ZRANB3: variants seen among roughly 807,000 people sequenced by gnomAD.
ZRANB3 encodes DNA annealing helicase and endonuclease ZRANB3.
Under a neutral mutation model 133.8 loss-of-function variants are expected in ZRANB3, and 125 were observed. That is an observed-to-expected ratio of 0.93 (90% CI 0.81 to 1.08). The LOEUF is 1.08. ZRANB3 is among the 50% of genes least tolerant of loss of function. The pLI is 0.00. For synonymous variants in ZRANB3, 387 were observed against 432.7 expected (o/e 0.89, Z 1.31); for missense variants, 1,229 against 1,275.5 (o/e 0.96, Z 0.56).
Position 135,413,649 on chromosome 2 carries a change from G to A in ZRANB3, c.162-22829C>T, listed in dbSNP as rs1160257437. Reference sequence around the variant, plus strand: ...CTAGGGTATTTATAATTATATGCTAGTTAACAAGAGTCTACTTTAAGCTTT... The same window carrying A: ...CTAGGGTATTTATAATTATATGCTAATTAACAAGAGTCTACTTTAAGCTTT... On this transcript the variant is annotated intron_variant, in intron 2 of 20. Transcript: ENST00000264159. 6.6e-5 allele frequency among the ~76,000 whole-genome samples: 10 copies of A among 152,176 alleles called. No individual in the cohort carries two copies. In the South Asian group the frequency reaches 1.2e-3, roughly 19 times the overall value.
In ZRANB3 at chr2:135,286,344, C is replaced by T. The variant is rs185788486; in HGVS notation, c.967-10589G>A. ...CCAGGCTGGAGTGCAGTGGTACAAT[C>T]TCGGCTCACAACAACCTCCACATCC... On this transcript the variant is annotated intron_variant, in intron 8 of 20. Coordinates refer to ENST00000264159, the MANE Select transcript of ZRANB3 (RefSeq NM_032143.4). 2.1e-3 allele frequency among the ~76,000 whole-genome samples: 318 copies of T among 152,328 alleles called. 4 individuals carry two copies. Among genetic ancestry groups the T allele is most frequent in the African/African-American group, 7.4e-3 (309 of 41,562 alleles).
chr2:135,214,300 A>T (rs1253290547), intron 17 of ZRANB3, among the ~76,000 whole-genome samples: 1 of 152,132 alleles, frequency 6.6e-6, no homozygotes. Context: ...TTTTGATCTA[A>T]TCTCCCAACT....
At chr2:135,349,574 AAAG>A (rs1339942713) in intron 5 of ZRANB3, among the ~76,000 whole-genome samples, 3 of 152,202 alleles carry the variant, frequency 2.0e-5, no homozygotes, top group African/African-American at 4.8e-5. Context: ...TCTTAAAGTG[AAAG>A]AAGAACAGAC....
At chr2:135,441,576 T>C (rs1426956836) in intron 2 of ZRANB3, among the ~76,000 whole-genome samples, 5 of 152,050 alleles carry the variant, frequency 3.3e-5, no homozygotes, top group African/African-American at 4.8e-5. Context: ...TCTCTTTATT[T>C]AAAAAAGATT....
At chr2:135,511,725 G>T in intron 1 of ZRANB3, 1 of 765,794 alleles carries the variant, frequency 1.3e-6, no homozygotes, top group Non-Finnish European at 2.4e-6. Context: ...TCTTGGTGTG[G>T]CAGTTGCTGA....
rs112563972 is a variant in ZRANB3 at position 135,280,389 on chromosome 2, G to C, written c.967-4634C>G. On this transcript the variant is annotated intron_variant, in intron 8 of 20. Transcript: ENST00000264159. Reference sequence around the variant, plus strand: ...TCGAGACCAGCTTGACCAACACGGAGAAACCCCATCTCTACTAAAAATACA... The same window carrying C: ...TCGAGACCAGCTTGACCAACACGGACAAACCCCATCTCTACTAAAAATACA... Among the ~76,000 whole-genome samples the C allele has an allele frequency of 3.0e-3, 451 of 152,200 alleles. 3 individuals carry two copies. The highest frequency in any genetic ancestry group is 0.01 in the African/African-American group (420 of 41,522).
At chr2:135,312,227 C>A (rs1683029256) in intron 8 of ZRANB3, among the ~76,000 whole-genome samples, 1 of 143,786 alleles carries the variant, frequency 7.0e-6, no homozygotes, top group Non-Finnish European at 1.5e-5. Context: ...GAGACAGAGT[C>A]TTGCTCTGTT....
chr2:135,262,862 C>T (rs1480786117), intron 12 of ZRANB3, among the ~76,000 whole-genome samples: 1 of 150,274 alleles, frequency 6.7e-6, no homozygotes, highest in Non-Finnish European at 1.5e-5. Flanking sequence ...TATATTATTT[C>T]TTATTAAATT....
chr2:135,282,353 T>A (rs1160318959), intron 8 of ZRANB3, among the ~76,000 whole-genome samples: 1 of 152,210 alleles, frequency 6.6e-6, no homozygotes, highest in Non-Finnish European at 1.5e-5. Flanking sequence ...AGTTTTTAAT[T>A]TAGAAACTTT....
At chr2:135,487,114 A>G (rs180897403) in intron 2 of ZRANB3, among the ~76,000 whole-genome samples, 9 of 152,332 alleles carry the variant, frequency 5.9e-5, no homozygotes, top group East Asian at 3.9e-4. Flanking sequence ...AGGCACGAAA[A>G]CAACATTCAT....
chr2:135,313,624 C>G lies in ZRANB3; in HGVS notation c.850-19G>C. On this transcript the variant is annotated intron_variant, in intron 7 of 20. Transcript: ENST00000264159. ...TCAATTCCTATGTGGGAAAAAATAA[C>G]ACTGTTTATGAATATAGCATAACGA... 1 of 1,500,990 alleles carries G rather than the reference C, an allele frequency of 6.7e-7. No homozygotes were observed. Among genetic ancestry groups the G allele is most frequent in the Non-Finnish European group, 9.3e-7 (1 of 1,079,344 alleles). The allele number at this position is 1,500,990 out of a possible 1,614,324, so 93.0% of individuals were successfully genotyped here. A position where few individuals can be genotyped will look rare whatever the true frequency, so the allele number is the denominator to read the frequency against.
intron 2 of ZRANB3, among the ~76,000 whole-genome samples, chr2:135,411,340 C>T (rs1004744683): frequency 4.3e-4 from 65 of 152,042 alleles, no homozygotes; most frequent in African/African-American, 1.5e-3. Flanking sequence ...AGTTCAACCC[C>T]GATGGAAAGC....
chr2:135,526,246 C>T (rs966526236), intron 1 of ZRANB3, among the ~76,000 whole-genome samples: 2 of 151,190 alleles, frequency 1.3e-5, no homozygotes, highest in Non-Finnish European at 1.5e-5. Context: ...TCACCGCAAC[C>T]TCCACCTCCC....
chr2:135,469,514 TA>T (rs780234832), intron 2 of ZRANB3, among the ~76,000 whole-genome samples: 37 of 152,164 alleles, frequency 2.4e-4, no homozygotes, highest in Non-Finnish European at 4.6e-4. Flanking sequence ...CTGGAAAATA[TA>T]ACCATACTAA....
At chr2:135,395,767 T>TAAA (rs1213983466) in intron 2 of ZRANB3, among the ~76,000 whole-genome samples, 1 of 152,108 alleles carries the variant, frequency 6.6e-6, no homozygotes, top group Non-Finnish European at 1.5e-5. Flanking sequence ...TGGGCAAAGA[T>TAAA]TTCTTGAGTA....
chr2:135,403,482 C>A (rs1048682159), intron 2 of ZRANB3, among the ~76,000 whole-genome samples: 1 of 152,240 alleles, frequency 6.6e-6, no homozygotes, highest in Admixed American at 6.5e-5. Context: ...GAGCCCACTG[C>A]AGCTCAAGGA....
chr2:135,293,280 G>C (rs1172888974), intron 8 of ZRANB3, among the ~76,000 whole-genome samples: 1 of 151,916 alleles, frequency 6.6e-6, no homozygotes, highest in Non-Finnish European at 1.5e-5. Context: ...TTGAGCAGTG[G>C]TTTGTAGTTC....
chr2:135,217,663 G>C (rs954490956), intron 16 of ZRANB3, 56 bp from the exon 17 acceptor site: 5 of 1,571,148 alleles, frequency 3.2e-6, no homozygotes, highest in Non-Finnish European at 4.3e-6. Flanking sequence ...ATCTTCCTTT[G>C]AATGTGAGCC....
At chr2:135,495,384 G>C (rs1692619611) in intron 2 of ZRANB3, among the ~76,000 whole-genome samples, 2 of 152,012 alleles carry the variant, frequency 1.3e-5, no homozygotes, top group African/African-American at 4.8e-5. Context: ...AAGTTTATTA[G>C]GAAAGTAAAG....
Sources: allele counts gnomAD v4.1 joint callset (sites outside exome capture counted in the v4.1 genomes callset), GRCh38; gene constraint gnomAD v4.1.1; transcripts MANE v1.5; gene names NCBI Gene and HGNC (gene_info 2026-07-23, HGNC 2026-07-21).